DIAPH3: variants seen among roughly 807,000 people sequenced by gnomAD.
DIAPH3 encodes protein diaphanous homolog 3.
Under a neutral mutation model 144.3 loss-of-function variants are expected in DIAPH3, and 117 were observed. That is an observed-to-expected ratio of 0.81 (90% confidence interval 0.70 to 0.95). The LOEUF (loss-of-function observed/expected upper bound fraction) is 0.95. Ranked by LOEUF, DIAPH3 falls within the 40% of genes least tolerant of loss-of-function variation. The pLI, the probability that DIAPH3 is intolerant of heterozygous loss-of-function variation, is 0.00. For missense variants in DIAPH3, 1,421 were observed against 1,412.7 expected, an observed-to-expected ratio of 1.01 and a Z score of -0.09; for synonymous variants, 519 against 488.9, an observed-to-expected ratio of 1.06 and a Z score of -0.81.
Position 59,829,577 on chromosome 13 carries a change from C to T in DIAPH3, c.3027+3530G>A, listed in dbSNP as rs573878481. The stretch of plus-strand genomic sequence containing the variant: ...TTAAATGGGTAAATATAGCTCCAGA[C>T]GCATGGTTAGCTCTATATATGTTAG... On this transcript the variant is annotated intron_variant, in intron 24 of 27. Coordinates refer to ENST00000400324, the MANE Select transcript of DIAPH3 (RefSeq NM_001042517.2). Among the ~76,000 whole-genome samples, 7 of 152,004 alleles carry T rather than the reference C, an allele frequency of 4.6e-5. No individual in the cohort carries two copies. The East Asian group carries it at 7.7e-4, about 17-fold the overall frequency.
chr13:59,717,683 G>T (rs921774319), intron 27 of DIAPH3, among the ~76,000 whole-genome samples: 1 of 152,030 alleles, frequency 6.6e-6, no homozygotes, highest in South Asian at 2.1e-4. Context: ...ATACTGGTTG[G>T]CTTTCCCATA....
At chr13:60,136,915 G>A (rs1161583964) in intron 1 of DIAPH3, among the ~76,000 whole-genome samples, 1 of 150,832 alleles carries the variant, frequency 6.6e-6, no homozygotes, top group African/African-American at 2.4e-5. Context: ...ACTCCAGCCT[G>A]GGCGACAGAG....
intron 20 of DIAPH3, among the ~76,000 whole-genome samples, chr13:59,901,190 C>G (rs866440018): frequency 2.2e-4 from 33 of 152,220 alleles, no homozygotes; most frequent in African/African-American, 7.5e-4. Context: ...GATCATTTCA[C>G]CCCTTTGTTA....
At chr13:60,116,652 C>A (rs542623801) in intron 2 of DIAPH3, among the ~76,000 whole-genome samples, 4 of 150,752 alleles carry the variant, frequency 2.7e-5, no homozygotes, top group Admixed American at 6.6e-5. Context: ...TGAAATTAAG[C>A]AAAACTTCAT....
chr13:59,758,889 C>T (rs533760472), intron 27 of DIAPH3, among the ~76,000 whole-genome samples: 1 of 151,316 alleles, frequency 6.6e-6, no homozygotes, highest in African/African-American at 2.4e-5. Flanking sequence ...GAGTGATCTT[C>T]CTATCTCAGC....
chr13:60,099,673 G>A (rs1319058771), intron 3 of DIAPH3, among the ~76,000 whole-genome samples: 1 of 152,148 alleles, frequency 6.6e-6, no homozygotes, highest in Non-Finnish European at 1.5e-5. Flanking sequence ...CGGCTTGCCA[G>A]GGGAAACCGA....
At chr13:60,141,156 A>G (rs759084446) in intron 1 of DIAPH3, among the ~76,000 whole-genome samples, 1 of 152,110 alleles carries the variant, frequency 6.6e-6, no homozygotes, top group Non-Finnish European at 1.5e-5. Context: ...GAAATCTATC[A>G]TTTTTCTTTA....
intron 27 of DIAPH3, among the ~76,000 whole-genome samples, chr13:59,755,314 A>C (rs945850676): frequency 2.0e-5 from 3 of 152,228 alleles, no homozygotes; most frequent in African/African-American, 7.2e-5. Flanking sequence ...ATTTGCAATA[A>C]AATTATAAAA....
At position 59,970,048 on chromosome 13, in the gene DIAPH3, T is replaced by G. The variant is rs1407646336; in HGVS notation, c.1970A>C (p.His657Pro). The change falls in exon 17 of 28, where the codon CAT becomes CCT. Residue 657 changes from histidine (H) to proline (P), a missense_variant. Physicochemically the swap from His to Pro is moderately conservative, Grantham distance 77 (BLOSUM62 -2). Transcript: ENST00000400324. The part of the protein sequence containing the change: ...RRLNWLKIRP[H>P]EMTENCFWIK... ...CCAGAAACAGTTTTCAGTCATTTCA[T>G]GAGGTCTGATCTACAATCAGAGAGA... The G allele has an allele frequency of 1.3e-6, 2 of 1,589,550 alleles. No homozygotes were observed. Among genetic ancestry groups the G allele is most frequent in the African/African-American group, 2.7e-5 (2 of 74,442 alleles).
chr13:59,954,048 C>T (rs1311921549), intron 17 of DIAPH3, among the ~76,000 whole-genome samples: 1 of 152,122 alleles, frequency 6.6e-6, no homozygotes, highest in African/African-American at 2.4e-5. Context: ...CCATTCCATA[C>T]CAATGCATAA....
intron 14 of DIAPH3, among the ~76,000 whole-genome samples, chr13:59,976,342 A>G (rs1015928129): frequency 1.3e-5 from 2 of 151,984 alleles, no homozygotes; most frequent in African/African-American, 4.8e-5. Context: ...ATAGCCACTG[A>G]CCACAAATGA....
At chr13:59,784,005 T>C (rs2038892216) in intron 25 of DIAPH3, among the ~76,000 whole-genome samples, 1 of 152,222 alleles carries the variant, frequency 6.6e-6, no homozygotes, top group Non-Finnish European at 1.5e-5. Flanking sequence ...ACTTTGTGTG[T>C]GCTTTTATAG....
intron 24 of DIAPH3, among the ~76,000 whole-genome samples, chr13:59,814,651 AG>A (rs1332061270): frequency 6.6e-6 from 1 of 152,238 alleles, no homozygotes; most frequent in Non-Finnish European, 1.5e-5. Flanking sequence ...AGAAAAGTTA[AG>A]GGTTAGCCAG....
intron 17 of DIAPH3, among the ~76,000 whole-genome samples, chr13:59,934,750 G>C (rs1594046017): frequency 6.6e-6 from 1 of 152,146 alleles, no homozygotes; most frequent in African/African-American, 2.4e-5. Context: ...GCTTGGCTAT[G>C]AGCAGACCTG....
intron 27 of DIAPH3, among the ~76,000 whole-genome samples, chr13:59,712,412 C>T (rs1369069835): frequency 6.6e-6 from 1 of 152,202 alleles, no homozygotes; most frequent in Non-Finnish European, 1.5e-5. Context: ...GTTTTATTCC[C>T]CATAAACAAT....
chr13:59,751,655 T>C (rs542731677), intron 27 of DIAPH3, among the ~76,000 whole-genome samples: 2 of 152,200 alleles, frequency 1.3e-5, no homozygotes, highest in African/African-American at 2.4e-5. Context: ...GGTGTAACCA[T>C]ATCTAAGCAT....
At chr13:59,733,015 T>TG (rs2035964472) in intron 27 of DIAPH3, among the ~76,000 whole-genome samples, 2 of 152,092 alleles carry the variant, frequency 1.3e-5, no homozygotes, top group Non-Finnish European at 1.5e-5. Context: ...GTGTATGTAG[T>TG]GGGTCTTAGT....
chr13:59,705,684 C>T (rs7987251), intron 27 of DIAPH3, among the ~76,000 whole-genome samples: 17,262 of 152,000 alleles, frequency 0.11, 1,503 homozygotes, highest in African/African-American at 0.23. Context: ...AGTCTTATGG[C>T]TGAACATATA....
intron 27 of DIAPH3, among the ~76,000 whole-genome samples, chr13:59,728,507 T>C (rs982464427): frequency 3.3e-5 from 5 of 151,984 alleles, no homozygotes; most frequent in South Asian, 2.1e-4. Context: ...ATTGACACTG[T>C]AGAAAGAAAT....
Sources: allele counts gnomAD v4.1 joint callset (sites outside exome capture counted in the v4.1 genomes callset), GRCh38; gene constraint gnomAD v4.1.1; transcripts MANE v1.5; gene names NCBI Gene and HGNC (gene_info 2026-07-23, HGNC 2026-07-21).